ADAM7: variants seen among roughly 807,000 people sequenced by gnomAD.
ADAM7 encodes the protein ADAM metallopeptidase domain 7.
ADAM7 carries 97 observed loss-of-function variants against 102.9 expected under a neutral mutation model. That is an observed-to-expected ratio of 0.94 (90% CI 0.80 to 1.12). The LOEUF (loss-of-function observed/expected upper bound fraction) is 1.12. Among genes scored for constraint, ADAM7 ranks in the 50% most tolerant of loss-of-function variants. ADAM7 has a pLI of 0.00. For synonymous variants in ADAM7, 334 were observed against 304.4 expected (o/e 1.10, Z -1.01); for missense variants, 991 against 908.7 (o/e 1.09, Z -1.16).
At chr8:24,451,783 A>T (rs931522399) in intron 3 of ADAM7, among the ~76,000 whole-genome samples, 11 of 150,220 alleles carry the variant, frequency 7.3e-5, no homozygotes, top group Admixed American at 3.3e-4. Context: ...TCTTGTGGGC[A>T]TTTAGTGCTA....
intron 7 of ADAM7, among the ~76,000 whole-genome samples, chr8:24,472,883 T>C (rs999118011): frequency 6.6e-6 from 1 of 151,978 alleles, no homozygotes; most frequent in African/African-American, 2.4e-5. Context: ...TTAAAAAATA[T>C]AGAAATATAT....
chr8:24,489,572 T>C (rs950648807), intron 12 of ADAM7, among the ~76,000 whole-genome samples: 4 of 152,184 alleles, frequency 2.6e-5, no homozygotes, highest in Non-Finnish European at 4.4e-5. Context: ...GCATCAGCTT[T>C]CCTTGTTAAT....
At chr8:24,468,255 C>T (rs1463823306) in intron 6 of ADAM7, among the ~76,000 whole-genome samples, 1 of 150,822 alleles carries the variant, frequency 6.6e-6, no homozygotes, top group Non-Finnish European at 1.5e-5. Flanking sequence ...ATGTTTTTCA[C>T]GTGAGCTTAC....
intron 3 of ADAM7, among the ~76,000 whole-genome samples, chr8:24,447,662 T>A (rs1253658523): frequency 6.6e-6 from 1 of 152,142 alleles, no homozygotes; most frequent in Non-Finnish European, 1.5e-5. Flanking sequence ...AACTAAGAAA[T>A]GTAGCGCATT....
At chr8:24,446,866 T>C (rs191625110) in intron 2 of ADAM7, among the ~76,000 whole-genome samples, 72 of 148,936 alleles carry the variant, frequency 4.8e-4, no homozygotes, top group African/African-American at 1.7e-3. Flanking sequence ...TAAACTATAT[T>C]ATAACATGCT....
chr8:24,507,195 C>T (rs1267630295), intron 20 of ADAM7, among the ~76,000 whole-genome samples: 1 of 152,014 alleles, frequency 6.6e-6, no homozygotes, highest in Non-Finnish European at 1.5e-5. Context: ...AAATCTCTTA[C>T]CTAATATATT....
intron 3 of ADAM7, among the ~76,000 whole-genome samples, chr8:24,454,854 T>G (rs536538600): frequency 1.3e-5 from 2 of 152,320 alleles, no homozygotes; most frequent in East Asian, 3.9e-4. Flanking sequence ...TATAAACTCA[T>G]GTTGAGAAAT....
intron 6 of ADAM7, chr8:24,467,215 G>T (rs905646423): frequency 1.7e-6 from 1 of 571,874 alleles, no homozygotes; most frequent in Non-Finnish European, 3.1e-6. Flanking sequence ...ACAATTCTAT[G>T]TATAGATTGA....
chr8:24,465,419 A>G (rs1416566659), intron 4 of ADAM7, among the ~76,000 whole-genome samples: 2 of 152,210 alleles, frequency 1.3e-5, no homozygotes, highest in African/African-American at 4.8e-5. Flanking sequence ...AAAGGTCACA[A>G]TTCTAAAACT....
intron 15 of ADAM7, among the ~76,000 whole-genome samples, 191 bp from the exon 16 acceptor site, chr8:24,492,852 C>T (rs1381181976): frequency 6.6e-6 from 1 of 152,152 alleles, no homozygotes; most frequent in Non-Finnish European, 1.5e-5. Flanking sequence ...GATCATTTTA[C>T]ATTTTTTACG....
At chr8:24,442,417 C>T (rs1309381421) in intron 1 of ADAM7, 56 bp from the exon 2 acceptor site, 5 of 1,192,922 alleles carry the variant, frequency 4.2e-6, no homozygotes, top group East Asian at 2.3e-5. Context: ...GTTTTTCAGC[C>T]GCTGTAGACG....
rs766834404 is a variant in ADAM7, at chr8:24,492,602, G to A, written c.1655+5G>A. 1.9e-5 allele frequency: 30 copies of A among 1,605,668 alleles called. No individual in the cohort carries two copies. Among genetic ancestry groups the A allele is most frequent in the Non-Finnish European group, 2.6e-5 (30 of 1,174,474 alleles). ...ATTTCTTCCCTGTGAGGAGAAGTAA[G>A]TGCCCTGTGGAAAAAAAGTAATTTG... On this transcript the variant is annotated splice_donor_5th_base_variant and intron_variant, in intron 15 of 21. Transcript: ENST00000175238.
At chr8:24,480,422 T>G (rs1819910114) in intron 8 of ADAM7, among the ~76,000 whole-genome samples, 1 of 152,144 alleles carries the variant, frequency 6.6e-6, no homozygotes, top group Non-Finnish European at 1.5e-5. Context: ...CTTTCTTATT[T>G]TGACTTTTAT....
At chr8:24,507,351 G>T in intron 20 of ADAM7, 129 bp from the exon 21 acceptor site, 1 of 657,620 alleles carries the variant, frequency 1.5e-6, no homozygotes, top group Non-Finnish European at 2.7e-6. Context: ...GATTTTTCAT[G>T]GAGCAAGCAG....
intron 7 of ADAM7, among the ~76,000 whole-genome samples, chr8:24,469,145 A>C (rs1220804863): frequency 1.3e-5 from 2 of 152,146 alleles, no homozygotes; most frequent in Non-Finnish European, 2.9e-5. Context: ...GAAGAAGAAA[A>C]TCTCTATCAG....
At chr8:24,444,836 A>G (rs2129372039) in intron 2 of ADAM7, among the ~76,000 whole-genome samples, 1 of 152,260 alleles carries the variant, frequency 6.6e-6, no homozygotes, top group East Asian at 1.9e-4. Context: ...CTGAATAACT[A>G]TAATTAATAG....
intron 7 of ADAM7, among the ~76,000 whole-genome samples, chr8:24,473,152 T>C (rs1819661640): frequency 6.6e-6 from 1 of 152,152 alleles, no homozygotes; most frequent in Admixed American, 6.5e-5. Context: ...AAACAACCTT[T>C]GTTTAACAAA....
rs148932310 is a variant in ADAM7 at position 24,498,651 on chromosome 8, T to A, written c.1843-585T>A. The stretch of plus-strand genomic sequence containing the variant: ...TTGAACTGGTGGCAATAAATGAATG[T>A]TTAATTATAAATAAAATGTAAAATA... On this transcript the variant is annotated intron_variant, in intron 16 of 21. Transcript: ENST00000175238. Among the ~76,000 whole-genome samples, 865 of 151,620 alleles carry A rather than the reference T, an allele frequency of 5.7e-3. 7 individuals are homozygous for A. The highest frequency in any genetic ancestry group is 0.018 in the African/African-American group (756 of 41,492).
chr8:24,494,986 C>A (rs562317389), intron 16 of ADAM7, among the ~76,000 whole-genome samples: 1 of 152,166 alleles, frequency 6.6e-6, no homozygotes, highest in Non-Finnish European at 1.5e-5. Context: ...TGCCCTGGCT[C>A]CAGACAGGGT....
Sources: allele counts gnomAD v4.1 joint callset (sites outside exome capture counted in the v4.1 genomes callset), GRCh38; gene constraint gnomAD v4.1.1; transcripts MANE v1.5; gene names NCBI Gene and HGNC (gene_info 2026-07-23, HGNC 2026-07-21).